KDM4C: variants seen among roughly 807,000 people sequenced by gnomAD.
KDM4C encodes the protein lysine demethylase 4C, also known as lysine-specific demethylase 4C.
In KDM4C, 81 loss-of-function variants were observed where a neutral mutation model predicts 129.3. That is an observed-to-expected ratio of 0.63 (90% CI 0.52 to 0.75). The LOEUF is 0.75. Ranked by LOEUF, KDM4C falls within the 30% of genes least tolerant of loss-of-function variation. The pLI, the probability that KDM4C is intolerant of heterozygous loss-of-function variation, is 0.00. For missense variants in KDM4C, 1,457 were observed against 1,304.0 expected (o/e 1.12, Z -1.81); for synonymous variants, 573 against 456.1 (o/e 1.26, Z -3.26).
At chr9:6,842,138 A>G (rs779846198) in intron 4 of KDM4C, among the ~76,000 whole-genome samples, 9 of 152,122 alleles carry the variant, frequency 5.9e-5, no homozygotes, top group Non-Finnish European at 1.2e-4. Context: ...GGACAAATAT[A>G]TGATTCATTT....
At chr9:6,790,867 A>T (rs1039928368) in intron 1 of KDM4C, among the ~76,000 whole-genome samples, 6 of 152,082 alleles carry the variant, frequency 3.9e-5, no homozygotes, top group Admixed American at 2.0e-4. Context: ...TGAAGGAATC[A>T]TCCTGTTTAT....
At chr9:6,896,279 T>C (rs1816418791) in intron 8 of KDM4C, among the ~76,000 whole-genome samples, 1 of 152,198 alleles carries the variant, frequency 6.6e-6, no homozygotes, top group African/African-American at 2.4e-5. Flanking sequence ...ATAATTACTA[T>C]GAAAATATGA....
intron 18 of KDM4C, among the ~76,000 whole-genome samples, chr9:7,114,765 C>T (rs1314884850): frequency 6.6e-6 from 1 of 152,144 alleles, no homozygotes; most frequent in Non-Finnish European, 1.5e-5. Flanking sequence ...AACCAGGGAG[C>T]CCCTTAGCAG....
At chr9:7,044,181 A>G (rs1357044157) in intron 15 of KDM4C, among the ~76,000 whole-genome samples, 1 of 151,922 alleles carries the variant, frequency 6.6e-6, no homozygotes, top group Non-Finnish European at 1.5e-5. Flanking sequence ...GAGCCAGGGG[A>G]TTGGGGATTC....
chr9:6,828,957 A>T (rs1442348170), intron 4 of KDM4C, among the ~76,000 whole-genome samples: 2 of 152,228 alleles, frequency 1.3e-5, no homozygotes, highest in Non-Finnish European at 2.9e-5. Flanking sequence ...CAACTGTTAA[A>T]CTTCACAGTT....
chr9:6,948,397 T>C (rs1442780944), intron 8 of KDM4C, among the ~76,000 whole-genome samples: 2 of 151,664 alleles, frequency 1.3e-5, no homozygotes, highest in African/African-American at 2.4e-5. Flanking sequence ...TACGTACTTA[T>C]AAAAGTGACC....
At chr9:6,995,078 A>G (rs1168671854) in intron 12 of KDM4C, among the ~76,000 whole-genome samples, 3 of 151,656 alleles carry the variant, frequency 2.0e-5, no homozygotes, top group East Asian at 3.9e-4. Flanking sequence ...CCCACCCACA[A>G]CAAAGGAATG....
At chr9:6,956,367 A>G (rs890386083) in intron 8 of KDM4C, among the ~76,000 whole-genome samples, 1 of 152,184 alleles carries the variant, frequency 6.6e-6, no homozygotes, top group Non-Finnish European at 1.5e-5. Flanking sequence ...TACTCCACAA[A>G]TATACACACC....
chr9:6,962,040 G>A (rs1830135934), intron 8 of KDM4C, among the ~76,000 whole-genome samples: 1 of 152,188 alleles, frequency 6.6e-6, no homozygotes, highest in Non-Finnish European at 1.5e-5. Context: ...TTATGTCAGA[G>A]TCGTGAGGAA....
intron 17 of KDM4C, among the ~76,000 whole-genome samples, chr9:7,055,746 A>G (rs1301576979): frequency 6.6e-6 from 1 of 152,206 alleles, no homozygotes; most frequent in African/African-American, 2.4e-5. Context: ...ATGTTATCAG[A>G]TATACTGAAT....
chr9:6,912,412 G>C (rs1819489645), intron 8 of KDM4C, among the ~76,000 whole-genome samples: 1 of 152,186 alleles, frequency 6.6e-6, no homozygotes, highest in Non-Finnish European at 1.5e-5. Flanking sequence ...TCCTTGACAT[G>C]CTTCACATAG....
chr9:7,106,219 C>A (rs1475117574), intron 18 of KDM4C, among the ~76,000 whole-genome samples: 3 of 152,034 alleles, frequency 2.0e-5, no homozygotes, highest in African/African-American at 7.2e-5. Context: ...GTGATTTGCC[C>A]CTATTGCTTT....
At chr9:6,989,953 T>A (rs2185465) in intron 11 of KDM4C, among the ~76,000 whole-genome samples, 116,653 of 150,004 alleles carry the variant, frequency 0.78, 46,894 homozygotes, top group Non-Finnish European at 0.87. Context: ...TTTTTTTTTT[T>A]AAATTATTGA....
At chr9:7,106,989 C>T (rs1339185728) in intron 18 of KDM4C, among the ~76,000 whole-genome samples, 2 of 151,834 alleles carry the variant, frequency 1.3e-5, no homozygotes, top group Non-Finnish European at 2.9e-5. Flanking sequence ...AAGTGTGTCA[C>T]AGGAAGTACA....
intron 17 of KDM4C, among the ~76,000 whole-genome samples, chr9:7,061,485 G>C (rs892766747): frequency 2.3e-4 from 35 of 152,184 alleles, no homozygotes; most frequent in African/African-American, 8.4e-4. Flanking sequence ...CAGAAGCCTG[G>C]TGCTGGTGGG....
intron 19 of KDM4C, among the ~76,000 whole-genome samples, chr9:7,129,059 C>CG (rs1160436044): frequency 2.0e-5 from 3 of 152,074 alleles, no homozygotes; most frequent in African/African-American, 2.4e-5. Flanking sequence ...CTTCTCCTTT[C>CG]GGGGGGTGTG....
intron 4 of KDM4C, among the ~76,000 whole-genome samples, chr9:6,831,708 T>A (rs945742016): frequency 6.6e-6 from 1 of 152,042 alleles, no homozygotes; most frequent in African/African-American, 2.4e-5. Context: ...TGTCTGAATG[T>A]CTCATGGAAG....
rs556711541 is a variant in KDM4C at position 7,104,945 on chromosome 9, G to C, written c.2610+1075G>C. ...TGTTTGTGGGCTGGGGATCTGGGCA[G>C]ATGTGAGTGAATGCTTAAATGTACA... On this transcript the variant is annotated intron_variant, in intron 18 of 21. Transcript: ENST00000381309. Among the ~76,000 whole-genome samples the C allele has an allele frequency of 1.4e-4, 21 of 152,338 alleles. No homozygotes were observed. In the South Asian group the frequency reaches 3.5e-3, roughly 26 times the overall value.
chr9:6,949,094 G>A (rs973362521), intron 8 of KDM4C, among the ~76,000 whole-genome samples: 1 of 150,818 alleles, frequency 6.6e-6, no homozygotes, highest in Non-Finnish European at 1.5e-5. Flanking sequence ...CGGACGGGGC[G>A]GCTGGCCGGG....
Sources: gnomAD v4.1 joint callset for allele counts (sites outside exome capture counted in the v4.1 genomes callset) on GRCh38, gnomAD v4.1.1 for gene constraint, MANE v1.5 for transcripts, NCBI Gene and HGNC (gene_info 2026-07-23, HGNC 2026-07-21) for gene names.